Variants in MYLK4 observed in about 807,000 individuals in gnomAD.
The protein encoded by MYLK4 is myosin light chain kinase family member 4.
A neutral mutation model predicts 48.1 loss-of-function variants in MYLK4; 46 were observed. That is an observed-to-expected ratio of 0.96 (90% CI 0.75 to 1.22). MYLK4 has a LOEUF of 1.22. MYLK4 is among the 50% of genes most tolerant of loss of function. The pLI is 0.00. For missense variants in MYLK4, 451 were observed against 486.1 expected (o/e 0.93, Z 0.68); for synonymous variants, 170 against 180.8 (o/e 0.94, Z 0.48).
chr6:2,678,513 T>C (rs1403022821), intron 9 of MYLK4, 141 bp from the exon 10 acceptor site: 1 of 967,682 alleles, frequency 1.0e-6, no homozygotes, highest in African/African-American at 1.7e-5. Flanking sequence ...TAACATATTA[T>C]TGTAATCAAG....
At position 2,671,291 on chromosome 6, in the gene MYLK4, C is replaced by T. The variant is rs372135367; in HGVS notation, c.*10G>A. On this transcript the variant is annotated 3_prime_UTR_variant, in exon 12 of 13. Transcript: ENST00000274643. The stretch of plus-strand genomic sequence containing the variant: ...CAAGACTAACCTTCCAAATGGCTGC[C>T]TCCTGTAGACTATTTGGTCACAAAG... 4 of 1,613,738 alleles carry T rather than the reference C, an allele frequency of 2.5e-6. No homozygotes were observed. The highest frequency in any genetic ancestry group is 3.4e-6 in the Non-Finnish European group (4 of 1,179,848).
At chr6:2,766,546 C>T in the MYLK4 span, 18 of 1,415,128 alleles carry the variant, frequency 1.3e-5, no homozygotes, top group East Asian at 2.6e-5. Context: ...AAGCCGCCTG[C>T]CTCTCCTGGA....
intron 8 of MYLK4, 136 bp from the exon 9 acceptor site, chr6:2,679,544 A>G: frequency 8.6e-7 from 1 of 1,164,108 alleles, no homozygotes; most frequent in Non-Finnish European, 1.3e-6. Context: ...AAGGAAATCA[A>G]ACAATCAAGC....
intron 2 of MYLK4, among the ~76,000 whole-genome samples, chr6:2,736,754 T>C (rs897756063): frequency 6.6e-6 from 1 of 152,242 alleles, no homozygotes; most frequent in Non-Finnish European, 1.5e-5. Context: ...AAACACAGCT[T>C]CTGCTGTGGT....
chr6:2,707,857 T>C (rs572136811), intron 2 of MYLK4, among the ~76,000 whole-genome samples: 1 of 152,214 alleles, frequency 6.6e-6, no homozygotes, highest in South Asian at 2.1e-4. Flanking sequence ...TTTTTTCAAG[T>C]GATTAAGTAA....
intron 2 of MYLK4, among the ~76,000 whole-genome samples, chr6:2,732,143 G>C (rs1027012164): frequency 6.6e-6 from 1 of 152,210 alleles, no homozygotes; most frequent in Non-Finnish European, 1.5e-5. Context: ...CCTGATTCAC[G>C]TAATCAGACA....
the MYLK4 span, among the ~76,000 whole-genome samples, chr6:2,765,206 C>CG: frequency 5.8e-5 from 5 of 86,184 alleles, no homozygotes; most frequent in Non-Finnish European, 1.5e-4. Flanking sequence ...CCCTCCCCCG[C>CG]CCCCGCAAAG....
the MYLK4 span, among the ~76,000 whole-genome samples, chr6:2,763,920 G>C: frequency 6.6e-6 from 1 of 152,146 alleles, no homozygotes; most frequent in Non-Finnish European, 1.5e-5. Flanking sequence ...ACCGAGGTGG[G>C]CGGATCACCT....
At chr6:2,769,301 C>T in the MYLK4 span, among the ~76,000 whole-genome samples, 10 of 152,162 alleles carry the variant, frequency 6.6e-5, no homozygotes, top group Middle Eastern at 0.014. Flanking sequence ...ACTCCAGGCT[C>T]TGTCTTCAAG....
At chr6:2,769,006 C>G in the MYLK4 span, 160 of 915,528 alleles carry the variant, frequency 1.7e-4, 2 homozygotes, top group Non-Finnish European at 2.3e-4. Flanking sequence ...GGCTTGTGAA[C>G]CCATCTCCTT....
At chr6:2,706,070 T>C (rs1427596794) in intron 2 of MYLK4, among the ~76,000 whole-genome samples, 2 of 152,232 alleles carry the variant, frequency 1.3e-5, no homozygotes, top group East Asian at 3.8e-4. Context: ...TGAATAATAT[T>C]GATGATCTTT....
At chr6:2,745,422 T>C (rs752641143) in intron 2 of MYLK4, among the ~76,000 whole-genome samples, 4 of 152,214 alleles carry the variant, frequency 2.6e-5, no homozygotes, top group African/African-American at 9.6e-5. Flanking sequence ...TCATCACTCA[T>C]ATGAGTCAGA....
At chr6:2,762,959 C>G in the MYLK4 span, among the ~76,000 whole-genome samples, 1 of 152,116 alleles carries the variant, frequency 6.6e-6, no homozygotes, top group Admixed American at 6.6e-5. Flanking sequence ...CAAACACCAG[C>G]TAATGCAAAA....
At chr6:2,706,108 A>G (rs1239918243) in intron 2 of MYLK4, among the ~76,000 whole-genome samples, 3 of 152,238 alleles carry the variant, frequency 2.0e-5, no homozygotes, top group African/African-American at 7.2e-5. Context: ...TAAAAATGTC[A>G]TAGGACATTG....
intron 2 of MYLK4, among the ~76,000 whole-genome samples, chr6:2,722,370 AT>A (rs1345648234): frequency 1.3e-5 from 2 of 152,228 alleles, no homozygotes; most frequent in African/African-American, 4.8e-5. Context: ...AGAAATAAAA[AT>A]TTATAGTAGT....
At chr6:2,690,909 A>C (rs961035340) in intron 3 of MYLK4, among the ~76,000 whole-genome samples, 2 of 140,890 alleles carry the variant, frequency 1.4e-5, no homozygotes, top group African/African-American at 5.5e-5. Context: ...GGCTCACTGC[A>C]AGCTCCGCCT....
At chr6:2,767,567 CATCTT>C in the MYLK4 span, among the ~76,000 whole-genome samples, 1,546 of 152,356 alleles carry the variant, frequency 0.01, 23 homozygotes, top group African/African-American at 0.035. Flanking sequence ...TCCCAAATAA[CATCTT>C]ATGATGATGG....
upstream of MYLK4, among the ~76,000 whole-genome samples, chr6:2,753,687 A>T (rs1250799606): frequency 6.6e-6 from 1 of 152,216 alleles, no homozygotes; most frequent in African/African-American, 2.4e-5. Flanking sequence ...ATATATGACA[A>T]AACATTCCAG....
intron 2 of MYLK4, among the ~76,000 whole-genome samples, chr6:2,724,447 G>T (rs1394485183): frequency 6.6e-6 from 1 of 152,166 alleles, no homozygotes; most frequent in Admixed American, 6.5e-5. Flanking sequence ...CTAACGCAGG[G>T]GGAAAGGTAT....
Sources: allele counts gnomAD v4.1 joint callset (sites outside exome capture counted in the v4.1 genomes callset), GRCh38; gene constraint gnomAD v4.1.1; transcripts MANE v1.5; gene names NCBI Gene and HGNC (gene_info 2026-07-23, HGNC 2026-07-21).